C12orf42: variants seen among roughly 807,000 people sequenced by gnomAD.
C12orf42 encodes chromosome 12 open reading frame 42, also known as uncharacterized protein C12orf42.
In C12orf42, 25 loss-of-function variants were observed where a neutral mutation model predicts 21.6. The observed-to-expected ratio is 1.16, with a 90% CI of 0.84 to 1.62. The LOEUF is 1.62. C12orf42 is among the 40% of genes most tolerant of loss of function. The pLI is 0.00. For synonymous variants in C12orf42, 174 were observed against 175.0 expected (o/e 0.99, Z 0.05); for missense variants, 483 against 459.3 (o/e 1.05, Z -0.47).
the C12orf42 span, among the ~76,000 whole-genome samples, chr12:103,515,814 G>A: frequency 2.0e-5 from 3 of 152,222 alleles, no homozygotes; most frequent in African/African-American, 4.8e-5. Context: ...ATACATAATA[G>A]AATAATCTAT....
chr12:103,191,444 A>G, the C12orf42 span, among the ~76,000 whole-genome samples: 1 of 145,286 alleles, frequency 6.9e-6, no homozygotes, highest in African/African-American at 2.6e-5. Context: ...GCAGTGGCTC[A>G]TGCCTGTAAT....
the C12orf42 span, among the ~76,000 whole-genome samples, chr12:103,538,314 A>T: frequency 2.6e-5 from 4 of 152,244 alleles, no homozygotes; most frequent in African/African-American, 4.8e-5. Context: ...GCTCATGTTA[A>T]AATACAGATG....
At chr12:103,231,298 T>C in the C12orf42 span, among the ~76,000 whole-genome samples, 1 of 152,222 alleles carries the variant, frequency 6.6e-6, no homozygotes, top group African/African-American at 2.4e-5. Context: ...ATAAGCTGCA[T>C]TGGCACATCC....
At chr12:103,125,872 T>C in the C12orf42 span, among the ~76,000 whole-genome samples, 1 of 152,100 alleles carries the variant, frequency 6.6e-6, no homozygotes, top group Non-Finnish European at 1.5e-5. Context: ...CTGCCAGAAA[T>C]AGAGTATGAG....
At chr12:103,206,521 T>TTATTAC in the C12orf42 span, among the ~76,000 whole-genome samples, 46,849 of 148,520 alleles carry the variant, frequency 0.32, 8,085 homozygotes, top group Non-Finnish European at 0.4. Flanking sequence ...TTTTCTATAT[T>TTATTAC]ACACACACAC....
chr12:103,175,479 T>C, the C12orf42 span, among the ~76,000 whole-genome samples: 4 of 152,322 alleles, frequency 2.6e-5, no homozygotes, highest in African/African-American at 9.6e-5. Context: ...AAAATGCATA[T>C]GCCCTAAAAA....
At chr12:103,294,489 GA>G (rs2037067614) in intron 4 of C12orf42, among the ~76,000 whole-genome samples, 1 of 109,516 alleles carries the variant, frequency 9.1e-6, no homozygotes, top group East Asian at 2.9e-4. Context: ...AAGCAAGCAA[GA>G]AAGAAAGAAA....
intron 4 of C12orf42, among the ~76,000 whole-genome samples, chr12:103,323,520 A>G (rs1450480703): frequency 6.6e-6 from 1 of 152,234 alleles, no homozygotes; most frequent in Non-Finnish European, 1.5e-5. Flanking sequence ...AAATGAAATT[A>G]GCAGATCAAG....
chr12:103,377,043 C>T (rs1015255475), intron 3 of C12orf42, among the ~76,000 whole-genome samples: 13 of 151,944 alleles, frequency 8.6e-5, no homozygotes, highest in Non-Finnish European at 2.9e-5. Context: ...ACATTTAATT[C>T]CTGTCTATTT....
intron 2 of C12orf42, among the ~76,000 whole-genome samples, chr12:103,432,331 G>A (rs1369189147): frequency 3.3e-5 from 5 of 152,174 alleles, no homozygotes; most frequent in Non-Finnish European, 7.3e-5. Flanking sequence ...GGCACTGGCT[G>A]CAACTAATTA....
In C12orf42 at chr12:103,291,356, C is replaced by T. The variant is rs138384809; in HGVS notation, n.338-14146G>A. 6.6e-4 allele frequency among the ~76,000 whole-genome samples: 101 copies of T among 152,272 alleles called. No homozygotes were observed. The East Asian group carries it at 0.015, about 23-fold the overall frequency. ...GGGAAAATTAAAGGAGATACCAATGCGGGGGAATCCCAAAATTGGGCCTCA... is the reference window on the plus strand; with the variant it reads ...GGGAAAATTAAAGGAGATACCAATGTGGGGGAATCCCAAAATTGGGCCTCA... On this transcript the variant is annotated intron_variant and non_coding_transcript_variant, in intron 4 of 6. Coordinates refer to the C12orf42 transcript ENST00000546526.
the C12orf42 span, among the ~76,000 whole-genome samples, chr12:103,104,647 G>A: frequency 6.6e-6 from 1 of 152,180 alleles, no homozygotes; most frequent in African/African-American, 2.4e-5. Context: ...CACCATGTTG[G>A]CCGGGATGGT....
intron 1 of C12orf42, among the ~76,000 whole-genome samples, chr12:103,495,529 C>T (rs1306918358): frequency 1.3e-5 from 2 of 152,044 alleles, no homozygotes; most frequent in Non-Finnish European, 2.9e-5. Context: ...TTGTGGGCCG[C>T]GCTCGCCTCC....
the C12orf42 span, among the ~76,000 whole-genome samples, chr12:103,159,020 A>G: frequency 6.6e-6 from 1 of 152,206 alleles, no homozygotes; most frequent in Non-Finnish European, 1.5e-5. Flanking sequence ...ATTTTCCATC[A>G]ATAATCTATC....
At chr12:103,314,416 C>T (rs1422572330) in intron 4 of C12orf42, among the ~76,000 whole-genome samples, 1 of 152,074 alleles carries the variant, frequency 6.6e-6, no homozygotes, top group African/African-American at 2.4e-5. Flanking sequence ...GATCTGTTTA[C>T]CTAGAGCAGA....
the C12orf42 span, among the ~76,000 whole-genome samples, chr12:103,131,510 G>A: frequency 6.6e-6 from 1 of 152,136 alleles, no homozygotes; most frequent in Non-Finnish European, 1.5e-5. Context: ...CCCTTTGACG[G>A]TTTTAATAGA....
chr12:103,466,382 G>T (rs1472156250), intron 2 of C12orf42, among the ~76,000 whole-genome samples: 3 of 152,044 alleles, frequency 2.0e-5, no homozygotes, highest in African/African-American at 7.3e-5. Context: ...GGGTTTTGTA[G>T]TGGCAGCCTC....
the C12orf42 span, chr12:103,162,751 T>A: frequency 1.2e-4 from 18 of 152,280 alleles, no homozygotes; most frequent in African/African-American, 4.3e-4. Context: ...CCCCACAATA[T>A]TGAACCACCA....
At chr12:103,380,736 T>A (rs1008203893) in intron 3 of C12orf42, among the ~76,000 whole-genome samples, 2 of 152,222 alleles carry the variant, frequency 1.3e-5, no homozygotes, top group Non-Finnish European at 2.9e-5. Flanking sequence ...TATTATAAAC[T>A]AACAGCAACT....
Sources: allele counts gnomAD v4.1 joint callset (sites outside exome capture counted in the v4.1 genomes callset), GRCh38; gene constraint gnomAD v4.1.1; transcripts MANE v1.5; gene names NCBI Gene and HGNC (gene_info 2026-07-23, HGNC 2026-07-21).